Variants in DBX2 observed in about 807,000 individuals in gnomAD.
DBX2 encodes homeobox protein DBX2.
DBX2 carries 16 observed loss-of-function variants against 17.7 expected under a neutral mutation model. That is an observed-to-expected ratio of 0.90 (90% CI 0.61 to 1.37). DBX2 has a LOEUF of 1.37. Ranked by LOEUF, DBX2 falls within the 40% of genes most tolerant of loss-of-function variation. The pLI, the probability that DBX2 is intolerant of heterozygous loss-of-function variation, is 0.00. For synonymous variants in DBX2, 255 were observed against 183.8 expected (o/e 1.39, Z -3.13); for missense variants, 538 against 433.8 (o/e 1.24, Z -2.13).
intron 1 of DBX2, among the ~76,000 whole-genome samples, chr12:45,039,213 A>G (rs1380154448): frequency 1.4e-5 from 2 of 143,204 alleles, no homozygotes; most frequent in African/African-American, 5.2e-5. Context: ...CAGTGAGCAC[A>G]TGATTGCAGG....
rs140464016 is a variant in DBX2, at chr12:45,024,529, G to A, written c.500-635C>T. Among the ~76,000 whole-genome samples the A allele has an allele frequency of 6.6e-5, 10 of 152,298 alleles. 1 individual carries two copies. The highest frequency in any genetic ancestry group is 2.4e-4 in the African/African-American group (10 of 41,570). ...CCAAGGTCCCAGGTTACAAAGCCCC[G>A]ATACGGATTAAGTAGTAGGTGGTTT... On this transcript the variant is annotated intron_variant, in intron 2 of 3. Coordinates refer to ENST00000332700, the MANE Select transcript of DBX2 (RefSeq NM_001004329.3).
chr12:45,038,478 T>C (rs1356749883), intron 1 of DBX2, among the ~76,000 whole-genome samples: 1 of 151,524 alleles, frequency 6.6e-6, no homozygotes, highest in Non-Finnish European at 1.5e-5. Context: ...ATATCATTAA[T>C]ATAAGGATGC....
chr12:45,046,014 G>A (rs1946498194), intron 1 of DBX2, among the ~76,000 whole-genome samples: 1 of 152,116 alleles, frequency 6.6e-6, no homozygotes, highest in Non-Finnish European at 1.5e-5. Flanking sequence ...ATGTACTCCT[G>A]TTTTATTATT....
At position 45,016,462 on chromosome 12, in the gene DBX2, C is replaced by T. The variant is rs778188944; in HGVS notation, c.844G>A (p.Val282Ile). The change falls in exon 4 of 4, where the codon GTC (valine) becomes ATC (isoleucine). Residue 282 changes from valine (V) to isoleucine (I), a missense_variant. By Grantham distance (29) the Val-to-Ile change is conservative (BLOSUM62 3). Coordinates refer to ENST00000332700, the MANE Select transcript of DBX2 (RefSeq NM_001004329.3). ...CTTGGACTTGAGTGCTGTTGGGGGA[C>T]GTCCCATATTGAAGGACATGGAGAA... is the stretch of plus-strand genomic sequence containing the variant. The part of the protein sequence containing the change: ...FPSPCPSIWD[V>I]PQQHSSPRWR... The T allele has an allele frequency of 3.2e-5, 52 of 1,613,730 alleles. No homozygotes were observed. The highest frequency in any genetic ancestry group is 4.1e-5 in the Non-Finnish European group (48 of 1,179,904).
rs560190349 is a variant in DBX2 at position 45,050,964 on chromosome 12, G to A, written c.-37C>T. On this transcript the variant is annotated 5_prime_UTR_variant, in exon 1 of 4. Transcript: ENST00000332700. ...AACCGGTCTGCTGCGCGCCCGCCTT[G>A]CGCCCGCCTGTCGCCCGGGCGCCCC... 9 of 1,377,680 alleles carry A rather than the reference G, an allele frequency of 6.5e-6. No homozygotes were observed. In the Admixed American group the frequency reaches 1.1e-4, roughly 17 times the overall value. The allele number at this position is 1,377,680 out of a possible 1,614,324, so 85.3% of individuals were successfully genotyped here. A position where few individuals can be genotyped will look rare whatever the true frequency, so the allele number is the denominator to read the frequency against.
At chr12:45,041,194 A>T (rs1946469578) in intron 1 of DBX2, among the ~76,000 whole-genome samples, 1 of 148,446 alleles carries the variant, frequency 6.7e-6, no homozygotes, top group Non-Finnish European at 1.5e-5. Context: ...ATTAATAAAT[A>T]ATAAATTAAA....
At chr12:45,036,629 T>C (rs980841867) in intron 1 of DBX2, among the ~76,000 whole-genome samples, 2 of 152,220 alleles carry the variant, frequency 1.3e-5, no homozygotes, top group Non-Finnish European at 2.9e-5. Flanking sequence ...GATATCCTAC[T>C]TACCAAGAAA....
intron 1 of DBX2, among the ~76,000 whole-genome samples, chr12:45,046,152 C>T (rs542116089): frequency 4.6e-5 from 7 of 152,246 alleles, no homozygotes; most frequent in Admixed American, 2.6e-4. Flanking sequence ...TTTATTTTAT[C>T]CACTGCAAGA....
chr12:45,035,894 T>A, intron 2 of DBX2, 125 bp downstream of exon 2: 1 of 865,900 alleles, frequency 1.2e-6, no homozygotes, highest in Non-Finnish European at 1.7e-6. Context: ...AAGATCGCTG[T>A]GACTTTTAGT....
At chr12:45,029,268 C>T (rs778676798) in intron 2 of DBX2, among the ~76,000 whole-genome samples, 6 of 152,126 alleles carry the variant, frequency 3.9e-5, no homozygotes, top group African/African-American at 7.2e-5. Context: ...TCTATCAATT[C>T]GAGGATATTA....
intron 2 of DBX2, among the ~76,000 whole-genome samples, chr12:45,026,947 A>C (rs1205845552): frequency 6.6e-6 from 1 of 152,144 alleles, no homozygotes; most frequent in East Asian, 1.9e-4. Context: ...TCATATCTTG[A>C]AGTCAGACTT....
intron 3 of DBX2, among the ~76,000 whole-genome samples, chr12:45,019,125 A>G (rs993204350): frequency 6.6e-6 from 1 of 152,110 alleles, no homozygotes; most frequent in Non-Finnish European, 1.5e-5. Flanking sequence ...CACTTAAAAA[A>G]AGGTTAAAAT....
chr12:45,050,229 T>C (rs1426485575), intron 1 of DBX2, among the ~76,000 whole-genome samples: 1 of 151,848 alleles, frequency 6.6e-6, no homozygotes, highest in African/African-American at 2.4e-5. Context: ...ACCCTCAGAG[T>C]TTCCCAGTTA....
At chr12:45,028,859 C>G (rs557302290) in intron 2 of DBX2, among the ~76,000 whole-genome samples, 1 of 152,322 alleles carries the variant, frequency 6.6e-6, no homozygotes, top group Non-Finnish European at 1.5e-5. Flanking sequence ...TCTCTTAGCA[C>G]TGGTCCCAAT....
intron 3 of DBX2, among the ~76,000 whole-genome samples, chr12:45,020,341 T>C (rs927683144): frequency 1.2e-4 from 18 of 152,268 alleles, no homozygotes; most frequent in African/African-American, 4.3e-4. Flanking sequence ...TTTTCAAGGT[T>C]CATCCATATT....
At chr12:45,023,588 C>T (rs531145803) in intron 3 of DBX2, 119 bp downstream of exon 3, 9 of 1,158,094 alleles carry the variant, frequency 7.8e-6, no homozygotes, top group Admixed American at 6.6e-5. Flanking sequence ...AAATGGATTC[C>T]ATTGTGTGCC....
At chr12:45,018,270 C>G (rs999834520) in intron 3 of DBX2, among the ~76,000 whole-genome samples, 1 of 152,158 alleles carries the variant, frequency 6.6e-6, no homozygotes, top group Admixed American at 6.5e-5. Flanking sequence ...TTTGTCATCA[C>G]ATTTGTTATT....
chr12:45,039,574 C>T (rs1407478813), intron 1 of DBX2, among the ~76,000 whole-genome samples: 1 of 151,696 alleles, frequency 6.6e-6, no homozygotes, highest in African/African-American at 2.4e-5. Flanking sequence ...TAACTGTAGG[C>T]TCACTGAACA....
intron 3 of DBX2, among the ~76,000 whole-genome samples, chr12:45,021,476 T>G (rs1946351304): frequency 6.6e-6 from 1 of 152,184 alleles, no homozygotes; most frequent in African/African-American, 2.4e-5. Context: ...ATTTTCACAA[T>G]TTCTCAGAGC....
Sources: allele counts gnomAD v4.1 joint callset (sites outside exome capture counted in the v4.1 genomes callset), GRCh38; gene constraint gnomAD v4.1.1; transcripts MANE v1.5; gene names NCBI Gene and HGNC (gene_info 2026-07-23, HGNC 2026-07-21).